The following ATP1A2 variants were observed in gnomAD, a reference collection of about 807,000 sequenced individuals.
ATP1A2 encodes ATPase Na+/K+ transporting subunit alpha 2, also known as sodium/potassium-transporting ATPase subunit alpha-2.
ATP1A2 carries 56 observed loss-of-function variants against 113.1 expected under a neutral mutation model. The observed-to-expected ratio is 0.49, with a 90% CI of 0.40 to 0.62. The LOEUF is 0.62. Ranked by LOEUF, ATP1A2 falls within the 20% of genes least tolerant of loss-of-function variation. ATP1A2 has a pLI of 0.00. For synonymous variants in ATP1A2, 490 were observed against 526.8 expected (o/e 0.93, Z 0.96); for missense variants, 712 against 1,357.8 (o/e 0.52, Z 7.47).
chr1:160,115,911 G>A, intron 1 of ATP1A2, 38 bp downstream of exon 1: 2 of 1,596,356 alleles, frequency 1.3e-6, no homozygotes, highest in Non-Finnish European at 1.7e-6. Flanking sequence ...CAGTCTAGAG[G>A]GTGAGGGAGG....
chr1:160,119,277 A>AAAAAAAAAAAAAAAAAGC (rs1651295511), intron 1 of ATP1A2, among the ~76,000 whole-genome samples: 1 of 140,968 alleles, frequency 7.1e-6, no homozygotes, highest in Non-Finnish European at 1.6e-5. Flanking sequence ...AAAAAAAAAA[A>AAAAAAAAAAAAAAAAAGC]AAAAAAGCAA....
chr1:160,137,789 T>C (rs1652003055), intron 20 of ATP1A2, among the ~76,000 whole-genome samples: 1 of 144,008 alleles, frequency 6.9e-6, no homozygotes, highest in African/African-American at 2.5e-5. Context: ...CCACAATTCC[T>C]CACATGAGGT....
At chr1:160,137,304 C>A (rs1037031291) in intron 20 of ATP1A2, 28 of 494,390 alleles carry the variant, frequency 5.7e-5, no homozygotes, top group Admixed American at 2.3e-4. Context: ...TGAGTGCCAC[C>A]TGCTCCTATC....
rs781581015 is a variant in ATP1A2 at position 160,130,497 on chromosome 1, C to T, written c.1727C>T (p.Pro576Leu). The change falls in exon 13 of 23, where the codon CCC (proline) becomes CTC (leucine). Residue 576 changes from proline to leucine, a missense_variant. By Grantham distance (98) the Pro-to-Leu change is moderately conservative. Coordinates refer to ENST00000361216, the MANE Select transcript of ATP1A2 (RefSeq NM_000702.4). ...TTCGACACGGATGAGCTGAACTTTC[C>T]CACGGAGAAGCTTTGCTTTGTGGGG... ...FKFDTDELNF[P>L]TEKLCFVGLM... The T allele has an allele frequency of 4.3e-6, 7 of 1,614,196 alleles. No individual in the cohort carries two copies. Among genetic ancestry groups the T allele is most frequent in the Non-Finnish European group, 5.1e-6 (6 of 1,180,024 alleles).
chr1:160,133,499 C>A (rs954371438), intron 13 of ATP1A2, among the ~76,000 whole-genome samples: 1 of 152,136 alleles, frequency 6.6e-6, no homozygotes, highest in African/African-American at 2.4e-5. Context: ...CTCCCCATCC[C>A]AACTCCATTC....
At chr1:160,136,505 G>A (rs1427557954) in intron 18 of ATP1A2, 65 bp from the exon 19 acceptor site, 2 of 1,612,988 alleles carry the variant, frequency 1.2e-6, no homozygotes, top group African/African-American at 1.3e-5. Flanking sequence ...CTCTGGCCCT[G>A]AGGGGCTGTG....
intron 1 of ATP1A2, among the ~76,000 whole-genome samples, chr1:160,119,428 C>A (rs1266938492): frequency 6.6e-6 from 1 of 152,108 alleles, no homozygotes; most frequent in Non-Finnish European, 1.5e-5. Context: ...CAGGTGGAAA[C>A]TGAGCAGCCC....
At chr1:160,116,536 AG>A (rs11331052) in intron 1 of ATP1A2, among the ~76,000 whole-genome samples, 59,565 of 105,326 alleles carry the variant, frequency 0.57, 12,239 homozygotes, top group Middle Eastern at 0.65. Flanking sequence ...GGCTGGTGAC[AG>A]GTGACCCCCC....
intron 2 of ATP1A2, 60 bp downstream of exon 2, chr1:160,121,070 C>T (rs1001176901): frequency 3.7e-6 from 6 of 1,603,480 alleles, no homozygotes; most frequent in South Asian, 2.2e-5. Flanking sequence ...GTCCCTGCAG[C>T]CCATTGCACT....
intron 8 of ATP1A2, among the ~76,000 whole-genome samples, chr1:160,128,241 G>A (rs1651647750): frequency 6.6e-6 from 1 of 152,096 alleles, no homozygotes. Context: ...TTGCTGTGAT[G>A]TGTCACTATC....
intron 14 of ATP1A2, among the ~76,000 whole-genome samples, chr1:160,134,901 A>G (rs573531180): frequency 6.6e-6 from 1 of 152,340 alleles, no homozygotes; most frequent in South Asian, 2.1e-4. Context: ...GATGTGAGTA[A>G]AGAAACTAGC....
intron 1 of ATP1A2, 110 bp from the exon 2 acceptor site, chr1:160,120,796 G>T: frequency 1.8e-6 from 2 of 1,140,992 alleles, no homozygotes; most frequent in Non-Finnish European, 2.6e-6. Flanking sequence ...CAAGGCAGCC[G>T]CTGCTTTTGA....
chr1:160,121,209 C>T lies in ATP1A2; in HGVS notation c.135C>T (p.Ser45=). 1.2e-6 allele frequency: 2 copies of T among 1,614,230 alleles called. No homozygotes were observed. Among genetic ancestry groups the T allele is most frequent in the South Asian group, 2.2e-5 (2 of 91,092 alleles). The change falls in exon 3 of 23, where the codon TCC becomes TCT. Residue 45 remains serine, a synonymous_variant. Transcript: ENST00000361216. ...KEVAMDDHKL[S]LDELGRKYQV... Reference sequence around the variant, plus strand: ...TTCCCCAGGATGACCACAAGCTGTCCTTGGATGAGCTGGGCCGCAAATACC... The same window carrying T: ...TTCCCCAGGATGACCACAAGCTGTCTTTGGATGAGCTGGGCCGCAAATACC...
chr1:160,124,186 C>A (rs1651508663), intron 5 of ATP1A2, 110 bp from the exon 6 acceptor site: 2 of 1,553,602 alleles, frequency 1.3e-6, no homozygotes, highest in East Asian at 2.4e-5. Flanking sequence ...CATGCCAGCA[C>A]CTAATTGTTT....
chr1:160,116,096 C>T (rs898293051), intron 1 of ATP1A2, among the ~76,000 whole-genome samples: 4 of 152,038 alleles, frequency 2.6e-5, no homozygotes, highest in East Asian at 1.9e-4. Context: ...GCCCCCTGCC[C>T]ACAGTTAGAC....
At chr1:160,126,512 C>T (rs370372721) in intron 7 of ATP1A2, among the ~76,000 whole-genome samples, 5 of 152,126 alleles carry the variant, frequency 3.3e-5, no homozygotes, top group African/African-American at 1.2e-4. Flanking sequence ...CTTTGTCACC[C>T]AGACTGGAGT....
In ATP1A2 at chr1:160,135,235, C is replaced by T. The variant is rs754490941; in HGVS notation, c.2055C>T (p.Ile685=). 5 of 1,614,056 alleles carry T rather than the reference C, an allele frequency of 3.1e-6. No homozygotes were observed. Among genetic ancestry groups the T allele is most frequent in the Non-Finnish European group, 4.2e-6 (5 of 1,180,036 alleles). The part of the protein sequence containing the change: ...LDEILKNHTE[I]VFARTSPQQK... ...AGATCCTCAAGAACCACACAGAGAT[C>T]GTCTTTGCTCGAACGTCTCCCCAGC... Residue 685 remains isoleucine (I), a synonymous_variant, in exon 15 of 23, where the codon ATC becomes ATT. Transcript: ENST00000361216. The surrounding 1 kb of genome is among the most constrained non-coding windows in gnomAD (Gnocchi z 6.3).
Position 160,129,048 on chromosome 1 carries a change from G to T in ATP1A2, c.1285G>T (p.Ala429Ser). 1 of 1,612,634 alleles carries T rather than the reference G, an allele frequency of 6.2e-7. No homozygotes were observed. The highest frequency in any genetic ancestry group is 8.5e-7 in the Non-Finnish European group (1 of 1,179,220). ...TCGAATTGCTGGTCTCTGCAACCGC[G>T]CCGTCTTCAAGGCAGGACAGGAGAA... ...LSRIAGLCNR[A>S]VFKAGQENIS... The change falls in exon 10 of 23, where the codon GCC (alanine) becomes TCC (serine). Residue 429 changes from alanine to serine, a missense_variant. By Grantham distance (99) the Ala-to-Ser change is moderately conservative (BLOSUM62 1). Transcript: ENST00000361216.
Position 160,134,618 on chromosome 1 carries a change from C to A in ATP1A2, c.1962C>A (p.Pro654=). The change falls in exon 14 of 23, where the codon CCC becomes CCA. Residue 654 remains proline, a splice_region_variant and synonymous_variant. Coordinates refer to ENST00000361216, the MANE Select transcript of ATP1A2 (RefSeq NM_000702.4). ...RLNIPMSQVN[P]REAKACVVHG... ...ACATTCCCATGAGTCAAGTCAACCC[C>A]AGGTGAGGCCTCTGCAGGAAGCCCC... 1 of 1,614,220 alleles carries A rather than the reference C, an allele frequency of 6.2e-7. No homozygotes were observed. Among genetic ancestry groups the A allele is most frequent in the Non-Finnish European group, 8.5e-7 (1 of 1,180,034 alleles).
Sources: gnomAD v4.1 joint callset for allele counts (sites outside exome capture counted in the v4.1 genomes callset) on GRCh38, gnomAD v4.1.1 for gene constraint, Gnocchi (gnomAD v3.1) non-coding constraint, MANE v1.5 for transcripts, NCBI Gene and HGNC (gene_info 2026-07-23, HGNC 2026-07-21) for gene names.